The following OTUD7A variants were observed in gnomAD, a reference collection of about 807,000 sequenced individuals.
OTUD7A encodes the protein OTU domain-containing protein 7A.
A neutral mutation model predicts 65.7 loss-of-function variants in OTUD7A; 12 were observed. The observed-to-expected ratio is 0.18, with a 90% CI of 0.12 to 0.30. The LOEUF (loss-of-function observed/expected upper bound fraction) is 0.30. OTUD7A is among the 10% of genes least tolerant of loss of function. OTUD7A has a pLI of 1.00. For missense variants in OTUD7A, 1,148 were observed against 1,304.8 expected (o/e 0.88, Z 1.85); for synonymous variants, 641 against 586.3 (o/e 1.09, Z -1.35).
At chr15:31,726,876 C>T (rs35142317) in intron 1 of OTUD7A, among the ~76,000 whole-genome samples, 3 of 152,176 alleles carry the variant, frequency 2.0e-5, no homozygotes, top group Non-Finnish European at 4.4e-5. Context: ...CTTGAATTAG[C>T]GATGGAAAAC....
At chr15:31,588,949 G>A (rs1263273006) in intron 3 of OTUD7A, among the ~76,000 whole-genome samples, 4 of 152,220 alleles carry the variant, frequency 2.6e-5, no homozygotes, top group Admixed American at 2.0e-4. Context: ...CCTATGATGG[G>A]CCAGCCTAGA....
In OTUD7A at chr15:31,481,852, G is replaced by A. The variant is rs905196351; in HGVS notation, c.*1442C>T. The A allele has an allele frequency of 2.6e-5, 4 of 152,276 alleles. No individual in the cohort carries two copies. The East Asian group carries it at 5.8e-4, about 22-fold the overall frequency. 9.4% of individuals were successfully genotyped at this position (152,276 alleles called of 1,614,324 possible). A position where few individuals can be genotyped will look rare whatever the true frequency, so the allele number is the denominator to read the frequency against. The stretch of plus-strand genomic sequence containing the variant: ...TGGTCGACCTCCTGCTTTTTCTGAG[G>A]ATACACTCACAGCAAAGCCAGGCGC... On this transcript the variant is annotated 3_prime_UTR_variant, in exon 13 of 13. Transcript: ENST00000307050.
At chr15:31,806,305 T>G (rs1323002779) in intron 1 of OTUD7A, among the ~76,000 whole-genome samples, 1 of 152,254 alleles carries the variant, frequency 6.6e-6, no homozygotes, top group Non-Finnish European at 1.5e-5. Flanking sequence ...GTGTCATTTA[T>G]GTGCCTTTCA....
intron 1 of OTUD7A, among the ~76,000 whole-genome samples, chr15:31,663,279 ACAC>A (rs1466151925): frequency 4.7e-5 from 7 of 150,316 alleles, no homozygotes; most frequent in South Asian, 2.1e-4. Context: ...ACACACACAC[ACAC>A]AAGTTTTTAA....
At chr15:31,568,075 T>A (rs1888932867) in intron 4 of OTUD7A, among the ~76,000 whole-genome samples, 1 of 152,180 alleles carries the variant, frequency 6.6e-6, no homozygotes, top group African/African-American at 2.4e-5. Flanking sequence ...AGAGTCCTCA[T>A]GGGGGCACTG....
chr15:31,665,234 G>A (rs781113769), intron 1 of OTUD7A, among the ~76,000 whole-genome samples: 1 of 152,140 alleles, frequency 6.6e-6, no homozygotes, highest in African/African-American at 2.4e-5. Flanking sequence ...CACTGAATTT[G>A]TAGATTGCTT....
intron 1 of OTUD7A, among the ~76,000 whole-genome samples, chr15:31,681,314 T>C (rs1461056170): frequency 6.6e-6 from 1 of 151,986 alleles, no homozygotes; most frequent in Admixed American, 6.5e-5. Flanking sequence ...CATCCATCCA[T>C]GCACCCACCC....
At chr15:31,601,016 C>A (rs1300976320) in intron 3 of OTUD7A, among the ~76,000 whole-genome samples, 1 of 152,100 alleles carries the variant, frequency 6.6e-6, no homozygotes, top group Non-Finnish European at 1.5e-5. Flanking sequence ...CAGTGGGAGA[C>A]CTTAACAACC....
chr15:31,686,528 C>A (rs113423619), intron 1 of OTUD7A, among the ~76,000 whole-genome samples: 5 of 152,340 alleles, frequency 3.3e-5, no homozygotes, highest in African/African-American at 1.2e-4. Flanking sequence ...TTTGGGTTTG[C>A]TCCTGGGAAA....
Position 31,796,198 on chromosome 15 carries a change from AT to A in OTUD7A, c.-100+74308del, listed in dbSNP as rs1895953486. On this transcript the variant is annotated intron_variant, in intron 1 of 12. Coordinates refer to ENST00000307050, the MANE Select transcript of OTUD7A (RefSeq NM_001382637.1). ...GTATGTATCTATGCATTATCTATCT[AT>A]CTATCTATCTATCTATCTATCTATC... Among the ~76,000 whole-genome samples, 3 of 81,900 alleles carry A rather than the reference AT, an allele frequency of 3.7e-5. No individual in the cohort carries two copies. In the South Asian group the frequency reaches 1.4e-3, roughly 39 times the overall value. 53.7% of individuals were successfully genotyped at this position (81,900 alleles called of 152,430 possible). A position where few individuals can be genotyped will look rare whatever the true frequency, so the allele number is the denominator to read the frequency against.
intron 10 of OTUD7A, among the ~76,000 whole-genome samples, chr15:31,493,149 GAA>G (rs34577664): frequency 1.4e-4 from 19 of 136,146 alleles, no homozygotes; most frequent in South Asian, 1.1e-3. Flanking sequence ...GAGGTTGTAG[GAA>G]AAAAAAAAAA....
chr15:31,593,551 G>A (rs1889814797), intron 3 of OTUD7A, among the ~76,000 whole-genome samples: 1 of 151,988 alleles, frequency 6.6e-6, no homozygotes, highest in African/African-American at 2.4e-5. Flanking sequence ...ATTTGGGGCG[G>A]GCAGACTTTC....
chr15:31,818,366 T>C (rs934917373), intron 1 of OTUD7A, among the ~76,000 whole-genome samples: 16 of 152,304 alleles, frequency 1.1e-4, no homozygotes, highest in African/African-American at 3.8e-4. Flanking sequence ...AAAGATGATG[T>C]TCATTGCATC....
At position 31,728,264 on chromosome 15, in the gene OTUD7A, G is replaced by A. The variant is rs567192298; in HGVS notation, c.-99-71187C>T. 2.0e-5 allele frequency among the ~76,000 whole-genome samples: 3 copies of A among 152,242 alleles called. No individual in the cohort carries two copies. In the South Asian group the frequency reaches 6.2e-4, roughly 32 times the overall value. ...TTCACGATGCATCAGTAATTTCATG[G>A]CAGGATTTCCACCTTCAAAATAGCA... On this transcript the variant is annotated intron_variant, in intron 1 of 12. Transcript: ENST00000307050.
At chr15:31,742,991 A>G (rs1894383250) in intron 1 of OTUD7A, among the ~76,000 whole-genome samples, 1 of 152,158 alleles carries the variant, frequency 6.6e-6, no homozygotes, top group Non-Finnish European at 1.5e-5. Flanking sequence ...AATATAGACA[A>G]ATCCATAACC....
At chr15:31,856,538 C>T (rs552546462) in intron 1 of OTUD7A, among the ~76,000 whole-genome samples, 1 of 152,264 alleles carries the variant, frequency 6.6e-6, no homozygotes, top group South Asian at 2.1e-4. Context: ...TTGAGAAGCT[C>T]TGTATTAGTT....
chr15:31,726,913 T>C (rs1595730115), intron 1 of OTUD7A, among the ~76,000 whole-genome samples: 1 of 152,316 alleles, frequency 6.6e-6, no homozygotes, highest in African/African-American at 2.4e-5. Context: ...GAAAAACACA[T>C]GCGGCCTGCT....
chr15:31,805,244 T>C (rs533106803), intron 1 of OTUD7A, among the ~76,000 whole-genome samples: 5 of 152,352 alleles, frequency 3.3e-5, no homozygotes, highest in African/African-American at 1.2e-4. Flanking sequence ...GTAGTGAGCC[T>C]GATTTGTAAT....
intron 4 of OTUD7A, among the ~76,000 whole-genome samples, chr15:31,565,994 C>T (rs1888857177): frequency 6.6e-6 from 1 of 152,072 alleles, no homozygotes; most frequent in Non-Finnish European, 1.5e-5. Flanking sequence ...AGATCGAGAC[C>T]ATCCTGGCTA....
Sources: allele counts gnomAD v4.1 joint callset (sites outside exome capture counted in the v4.1 genomes callset), GRCh38; gene constraint gnomAD v4.1.1; transcripts MANE v1.5; gene names NCBI Gene and HGNC (gene_info 2026-07-23, HGNC 2026-07-21).